Variants in HYDIN observed in about 807,000 individuals in gnomAD.
HYDIN encodes the protein HYDIN axonemal central pair apparatus protein.
Under a neutral mutation model 403.9 loss-of-function variants are expected in HYDIN, and 132 were observed. The ratio of observed to expected loss-of-function variants is 0.33; its 90% CI spans 0.28 to 0.38. The LOEUF (loss-of-function observed/expected upper bound fraction) is 0.38. HYDIN is among the 10% of genes least tolerant of loss of function. HYDIN has a pLI of 1.00. For missense variants in HYDIN, 2,827 were observed against 5,009.5 expected (o/e 0.56, Z 13.15); for synonymous variants, 1,202 against 1,891.7 (o/e 0.64, Z 9.46).
chr16:70,922,555 T>C (rs1040760546), intron 45 of HYDIN, among the ~76,000 whole-genome samples: 56 of 152,134 alleles, frequency 3.7e-4, no homozygotes, highest in African/African-American at 1.3e-3. Context: ...ACATAGAGCA[T>C]GTACTCTGCG....
At chr16:70,941,432 T>A in intron 43 of HYDIN, 3 of 389,446 alleles carry the variant, frequency 7.7e-6, no homozygotes, top group South Asian at 8.5e-5. Flanking sequence ...AGGGGTACAG[T>A]GTGATGGGAG....
intron 9 of HYDIN, among the ~76,000 whole-genome samples, chr16:71,117,594 C>T (rs1197493316): frequency 6.6e-6 from 1 of 151,954 alleles, no homozygotes; most frequent in Non-Finnish European, 1.5e-5. Context: ...GCCAAGTGAG[C>T]ATAAACGATC....
intron 6 of HYDIN, among the ~76,000 whole-genome samples, chr16:71,161,949 G>A (rs2144603196): frequency 7.1e-6 from 1 of 140,698 alleles, no homozygotes; most frequent in African/African-American, 2.8e-5. Flanking sequence ...TGAAGTGGCT[G>A]GTATACTTTT....
In HYDIN at chr16:70,871,345, A is replaced by G. The variant is rs143267150; in HGVS notation, c.11091+692T>C. Among the ~76,000 whole-genome samples the G allele has an allele frequency of 3.2e-3, 493 of 152,302 alleles. 1 individual carries two copies. Among genetic ancestry groups the G allele is most frequent in the African/African-American group, 0.012 (478 of 41,556 alleles). ...GAGCAGACTCACTGGCTGTGTGTCA[A>G]CAGAGCAGGAGGCAGTGAAGACACT... On this transcript the variant is annotated intron_variant, in intron 65 of 85. Transcript: ENST00000393567.
rs533401505 is a variant in HYDIN, at chr16:71,033,115, G to C, written c.2530-1198C>G. 7.5e-3 allele frequency among the ~76,000 whole-genome samples: 1,127 copies of C among 150,904 alleles called. 19 individuals carry two copies. The highest frequency in any genetic ancestry group is 0.041 in the Admixed American group (614 of 15,110). On this transcript the variant is annotated intron_variant, in intron 18 of 85. Transcript: ENST00000393567. ...ACGGCTCTGAGGTCCAGGTGTTGTG[G>C]GAAATACATAAACACCCCGAGGAGC...
chr16:71,137,724 T>C (rs2084986557), intron 7 of HYDIN, among the ~76,000 whole-genome samples: 2 of 152,156 alleles, frequency 1.3e-5, no homozygotes, highest in African/African-American at 4.8e-5. Context: ...ATGAGCTTGA[T>C]TTGTCATTCT....
intron 18 of HYDIN, among the ~76,000 whole-genome samples, chr16:71,059,334 G>A (rs550116747): frequency 1.3e-5 from 2 of 152,064 alleles, no homozygotes; most frequent in African/African-American, 2.4e-5. Context: ...TGAGGAAGGG[G>A]TCTAGTTTCA....
chr16:71,030,420 GTTC>G (rs1377686164), intron 19 of HYDIN, among the ~76,000 whole-genome samples: 1 of 149,864 alleles, frequency 6.7e-6, no homozygotes, highest in African/African-American at 2.5e-5. Flanking sequence ...TGTGTGTGTT[GTTC>G]TTCTTTTCTT....
intron 12 of HYDIN, among the ~76,000 whole-genome samples, chr16:71,087,445 C>T (rs1358783675): frequency 2.2e-5 from 3 of 139,530 alleles, no homozygotes; most frequent in African/African-American, 5.4e-5. Context: ...TTAAAGCCCA[C>T]CCATCTGACC....
chr16:70,919,173 T>C (rs1401990628), intron 46 of HYDIN, among the ~76,000 whole-genome samples: 3 of 152,148 alleles, frequency 2.0e-5, no homozygotes, highest in East Asian at 3.9e-4. Flanking sequence ...ATTTAGAATG[T>C]CTATGAGGAA....
chr16:71,178,772 C>T (rs561724945), intron 4 of HYDIN, among the ~76,000 whole-genome samples, 156 bp downstream of exon 4: 4 of 152,164 alleles, frequency 2.6e-5, no homozygotes, highest in South Asian at 2.1e-4. Flanking sequence ...ACAGCCTTGT[C>T]GTCATTAAGT....
At chr16:71,085,643 C>T (rs7499483) in intron 12 of HYDIN, among the ~76,000 whole-genome samples, 343 of 151,644 alleles carry the variant, frequency 2.3e-3, no homozygotes, top group African/African-American at 8.1e-3. Context: ...GCTCTGTTAT[C>T]AGATGTGTGT....
At chr16:71,031,002 C>T (rs2080886686) in intron 19 of HYDIN, among the ~76,000 whole-genome samples, 1 of 151,298 alleles carries the variant, frequency 6.6e-6, no homozygotes, top group African/African-American at 2.4e-5. Flanking sequence ...AGATCGAGAC[C>T]ATCCTGGCTA....
intron 12 of HYDIN, among the ~76,000 whole-genome samples, chr16:71,082,483 TC>T (rs1353769573): frequency 1.3e-5 from 2 of 151,068 alleles, no homozygotes; most frequent in Non-Finnish European, 2.9e-5. Context: ...AAAGATTCTT[TC>T]CATAGTCAGG....
chr16:70,958,152 G>A (rs2078299590), intron 39 of HYDIN, among the ~76,000 whole-genome samples: 1 of 152,092 alleles, frequency 6.6e-6, no homozygotes, highest in Non-Finnish European at 1.5e-5. Context: ...TTAACAGTTT[G>A]GGGATAATCC....
chr16:70,942,197 G>T (rs2077700670), intron 42 of HYDIN, among the ~76,000 whole-genome samples: 1 of 150,068 alleles, frequency 6.7e-6, no homozygotes, highest in African/African-American at 2.5e-5. Context: ...GCTAATTTTT[G>T]TATTTTTAGT....
At chr16:71,052,239 T>A (rs1488175996) in intron 18 of HYDIN, among the ~76,000 whole-genome samples, 1 of 151,790 alleles carries the variant, frequency 6.6e-6, no homozygotes, top group East Asian at 1.9e-4. Flanking sequence ...ACATAACAAG[T>A]GTTATTGTTA....
intron 1 of HYDIN, among the ~76,000 whole-genome samples, chr16:71,216,094 C>T (rs150014119): frequency 6.6e-6 from 1 of 152,248 alleles, no homozygotes; most frequent in Non-Finnish European, 1.5e-5. Context: ...TACGTATGTT[C>T]TATGACCCAG....
chr16:71,106,131 T>C (rs1394467238), intron 10 of HYDIN, among the ~76,000 whole-genome samples: 1 of 151,310 alleles, frequency 6.6e-6, no homozygotes, highest in Non-Finnish European at 1.5e-5. Context: ...TCCTACCTAC[T>C]ACTCTAGCTT....
Sources: allele counts gnomAD v4.1 joint callset (sites outside exome capture counted in the v4.1 genomes callset), GRCh38; gene constraint gnomAD v4.1.1; transcripts MANE v1.5; gene names NCBI Gene and HGNC (gene_info 2026-07-23, HGNC 2026-07-21).